The following SRP54 variants were observed in gnomAD, a reference collection of about 807,000 sequenced individuals.
The protein encoded by SRP54 is signal recognition particle 54, also known as signal recognition particle subunit SRP54.
In SRP54, 10 loss-of-function variants were observed where a neutral mutation model predicts 64.8. The ratio of observed to expected loss-of-function variants is 0.15; its 90% CI spans 0.10 to 0.26. SRP54 has a LOEUF of 0.26. Ranked by LOEUF, SRP54 falls within the 10% of genes least tolerant of loss-of-function variation. The probability of loss-of-function intolerance (pLI) is 1.00; values close to 1 mark genes in which losing one functional copy is unlikely to be tolerated. For missense variants in SRP54, 325 were observed against 613.7 expected (o/e 0.53, Z 4.97); for synonymous variants, 193 against 185.6 (o/e 1.04, Z -0.32).
At chr14:35,015,306 C>T (rs954168501) in intron 11 of SRP54, among the ~76,000 whole-genome samples, 4 of 152,042 alleles carry the variant, frequency 2.6e-5, no homozygotes, top group African/African-American at 9.7e-5. Context: ...GAACTGCTGA[C>T]CTCAGGTGAT....
At chr14:35,011,388 C>A in intron 7 of SRP54, 121 bp from the exon 8 acceptor site, 1 of 651,370 alleles carries the variant, frequency 1.5e-6, no homozygotes, top group Non-Finnish European at 2.4e-6. Flanking sequence ...TTTTCCTCTT[C>A]TAAATTGAAA....
intron 1 of SRP54, among the ~76,000 whole-genome samples, chr14:34,992,613 A>G (rs1207672948): frequency 2.0e-5 from 3 of 152,060 alleles, no homozygotes; most frequent in Non-Finnish European, 2.9e-5. Context: ...ATAAAGACGA[A>G]AGTAGTAGAC....
intron 13 of SRP54, among the ~76,000 whole-genome samples, chr14:35,020,204 AT>A (rs1234689771): frequency 6.6e-6 from 1 of 152,102 alleles, no homozygotes; most frequent in South Asian, 2.1e-4. Context: ...AAATAAAAAA[AT>A]ATAGTTTATT....
chr14:35,002,851 C>G (rs1364636205), intron 4 of SRP54, among the ~76,000 whole-genome samples: 1 of 149,472 alleles, frequency 6.7e-6, no homozygotes, highest in Non-Finnish European at 1.5e-5. Context: ...TCAAACAATC[C>G]TCCTGCCTCA....
At chr14:35,002,377 T>C (rs1285199806) in intron 4 of SRP54, among the ~76,000 whole-genome samples, 2 of 151,962 alleles carry the variant, frequency 1.3e-5, no homozygotes, top group East Asian at 1.9e-4. Context: ...ACAAAAAAAA[T>C]TTTTTAGAGC....
intron 4 of SRP54, among the ~76,000 whole-genome samples, 199 bp downstream of exon 4, chr14:35,001,219 A>G (rs895449439): frequency 7.9e-6 from 1 of 126,104 alleles, no homozygotes; most frequent in Non-Finnish European, 1.6e-5. Flanking sequence ...CTTGTTGCCC[A>G]GGCTGGAGTG....
intron 1 of SRP54, among the ~76,000 whole-genome samples, chr14:34,984,614 G>C (rs958126972): frequency 6.6e-6 from 1 of 152,126 alleles, no homozygotes; most frequent in Non-Finnish European, 1.5e-5. Flanking sequence ...CAATTCTCCT[G>C]CCTCAGCCTT....
At position 35,027,229 on chromosome 14, in the gene SRP54, C is replaced by T. The variant is rs149311983; in HGVS notation, c.1328-859C>T. Among the ~76,000 whole-genome samples the T allele has an allele frequency of 3.3e-5, 5 of 151,878 alleles. No homozygotes were observed. The East Asian group carries it at 9.9e-4, about 30-fold the overall frequency. ...ATTGTTAGTGGAGACGGGGTTTCACCACGTTGGCTAGGCTGGTCTCGAACT... is the reference window on the plus strand; with the variant it reads ...ATTGTTAGTGGAGACGGGGTTTCACTACGTTGGCTAGGCTGGTCTCGAACT... On this transcript the variant is annotated intron_variant, in intron 14 of 15. Coordinates refer to ENST00000216774, the MANE Select transcript of SRP54 (RefSeq NM_003136.4).
intron 3 of SRP54, among the ~76,000 whole-genome samples, chr14:35,000,200 C>T (rs2044147150): frequency 6.6e-6 from 1 of 152,106 alleles, no homozygotes; most frequent in Non-Finnish European, 1.5e-5. Flanking sequence ...TATCTCTTAC[C>T]ATGCTTTAGA....
intron 5 of SRP54, 31 bp downstream of exon 5, chr14:35,007,418 T>TA: frequency 6.9e-7 from 1 of 1,440,588 alleles, no homozygotes; most frequent in South Asian, 1.3e-5. Context: ...AAAGAAGTCA[T>TA]ATGGAAGATA....
chr14:35,000,547 A>G (rs1016638353), intron 3 of SRP54, among the ~76,000 whole-genome samples: 1 of 149,300 alleles, frequency 6.7e-6, no homozygotes, highest in African/African-American at 2.5e-5. Context: ...ATCCTGGCTG[A>G]TAGTGAGACT....
intron 14 of SRP54, among the ~76,000 whole-genome samples, chr14:35,027,270 T>G (rs2044646686): frequency 6.6e-6 from 1 of 151,946 alleles, no homozygotes; most frequent in African/African-American, 2.4e-5. Context: ...CCTCAAGTGA[T>G]CTGCCAGCCT....
At chr14:35,027,930 G>A (rs2044659863) in intron 14 of SRP54, 158 bp from the exon 15 acceptor site, 1 of 411,834 alleles carries the variant, frequency 2.4e-6, no homozygotes, top group South Asian at 7.6e-5. Flanking sequence ...AAGATTAGAA[G>A]GGAATATGTA....
chr14:35,001,332 G>A (rs2044169044), intron 4 of SRP54, among the ~76,000 whole-genome samples: 1 of 152,006 alleles, frequency 6.6e-6, no homozygotes, highest in South Asian at 2.1e-4. Context: ...TGTATTTTTA[G>A]TAGAGACGGG....
At chr14:34,991,702 A>G (rs1431035589) in intron 1 of SRP54, among the ~76,000 whole-genome samples, 1 of 144,780 alleles carries the variant, frequency 6.9e-6, no homozygotes, top group African/African-American at 2.6e-5. Context: ...GGTCAGTATG[A>G]TTAAAATCAG....
At chr14:35,001,419 G>A (rs904255271) in intron 4 of SRP54, among the ~76,000 whole-genome samples, 1 of 152,118 alleles carries the variant, frequency 6.6e-6, no homozygotes, top group Non-Finnish European at 1.5e-5. Context: ...CCAAAGTGCT[G>A]GGATTATAGG....
In SRP54 at chr14:35,020,260, C is replaced by CT. The variant is rs1469394334; in HGVS notation, c.1156+1191dup. ...ATCTAAGCCTTCAGTGCATTATAAT[C>CT]TTTTTGCTGGTGGAGGGCCTTAGCT... On this transcript the variant is annotated intron_variant, in intron 13 of 15. Coordinates refer to ENST00000216774, the MANE Select transcript of SRP54 (RefSeq NM_003136.4). 2.6e-5 allele frequency among the ~76,000 whole-genome samples: 4 copies of CT among 152,236 alleles called. No homozygotes were observed. The South Asian group carries it at 8.3e-4, about 32-fold the overall frequency.
At chr14:34,988,948 AGTT>A (rs1420093136) in intron 1 of SRP54, among the ~76,000 whole-genome samples, 1 of 152,118 alleles carries the variant, frequency 6.6e-6, no homozygotes, top group African/African-American at 2.4e-5. Context: ...AAATGTAAAT[AGTT>A]GTTATACCAT....
rs1023920718 is a variant in SRP54, at chr14:35,029,323, T to C, written c.*171T>C. The stretch of plus-strand genomic sequence containing the variant: ...CTCCTTTTCTTTTTCCTTCCTTCTT[T>C]CCTCCCTTTAATATAAGGGAGAAAT... On this transcript the variant is annotated 3_prime_UTR_variant, in exon 16 of 16. Transcript: ENST00000216774. The C allele has an allele frequency of 6.0e-6, 3 of 497,640 alleles. No individual in the cohort carries two copies. Among genetic ancestry groups the C allele is most frequent in the African/African-American group, 4.0e-5 (2 of 50,326 alleles). 30.8% of individuals were successfully genotyped at this position (497,640 alleles called of 1,614,324 possible).
Sources: allele counts gnomAD v4.1 joint callset (sites outside exome capture counted in the v4.1 genomes callset), GRCh38; gene constraint gnomAD v4.1.1; transcripts MANE v1.5; gene names NCBI Gene and HGNC (gene_info 2026-07-23, HGNC 2026-07-21).